The following ZBTB44 variants were observed in gnomAD, a reference collection of about 807,000 sequenced individuals.
ZBTB44 encodes zinc finger and BTB domain-containing protein 44.
Under a neutral mutation model 54.0 loss-of-function variants are expected in ZBTB44, and 15 were observed. That is an observed-to-expected ratio of 0.28 (90% CI 0.19 to 0.43). The LOEUF is 0.43. Among genes scored for constraint, ZBTB44 ranks in the 20% least tolerant of loss-of-function variants. The pLI is 1.00. For missense variants in ZBTB44, 487 were observed against 707.1 expected (o/e 0.69, Z 3.53); for synonymous variants, 230 against 250.1 (o/e 0.92, Z 0.76).
At chr11:130,289,401 T>C (rs1592042888) in intron 1 of ZBTB44, among the ~76,000 whole-genome samples, 1 of 150,560 alleles carries the variant, frequency 6.6e-6, no homozygotes, top group South Asian at 2.1e-4. Context: ...GAGAATTGCT[T>C]GAACTCGGAG....
chr11:130,313,135 G>C (rs188254004), intron 1 of ZBTB44, among the ~76,000 whole-genome samples: 39 of 152,188 alleles, frequency 2.6e-4, no homozygotes, highest in African/African-American at 8.4e-4. Flanking sequence ...GAAAGTACAC[G>C]AAAGTACATC....
intron 1 of ZBTB44, among the ~76,000 whole-genome samples, chr11:130,276,151 G>C (rs574995387): frequency 1.4e-5 from 2 of 147,916 alleles, no homozygotes; most frequent in Admixed American, 6.8e-5. Context: ...GCTTGAACTC[G>C]GGAGGCAGAG....
chr11:130,272,119 C>G (rs189060674), intron 1 of ZBTB44, among the ~76,000 whole-genome samples: 44 of 151,394 alleles, frequency 2.9e-4, no homozygotes, highest in Admixed American at 2.8e-3. Flanking sequence ...GTAATCCCAG[C>G]TGCTCGGGAG....
intron 1 of ZBTB44, among the ~76,000 whole-genome samples, chr11:130,299,649 A>C (rs112607233): frequency 0.012 from 1,837 of 152,266 alleles, 17 homozygotes; most frequent in Middle Eastern, 0.02. Flanking sequence ...AAAAAAAAAA[A>C]CAAAATAACA....
intron 1 of ZBTB44, among the ~76,000 whole-genome samples, chr11:130,302,003 G>T (rs556537036): frequency 6.8e-6 from 1 of 148,072 alleles, no homozygotes; most frequent in Non-Finnish European, 1.5e-5. Context: ...AATGAGCCAC[G>T]ATCACACCAC....
At chr11:130,246,316 C>T (rs976240361) in intron 2 of ZBTB44, among the ~76,000 whole-genome samples, 3 of 151,984 alleles carry the variant, frequency 2.0e-5, no homozygotes, top group African/African-American at 7.3e-5. Flanking sequence ...CATATATATG[C>T]ACAATATTAC....
chr11:130,302,001 A>G (rs1195654866), intron 1 of ZBTB44, among the ~76,000 whole-genome samples: 1 of 151,124 alleles, frequency 6.6e-6, no homozygotes, highest in African/African-American at 2.4e-5. Context: ...ATAATGAGCC[A>G]CGATCACACC....
In ZBTB44 at chr11:130,228,877, CAATTT is replaced by C. The variant is rs1212527071; in HGVS notation, c.*2882_*2886del. On this transcript the variant is annotated 3_prime_UTR_variant, in exon 8 of 8. Transcript: ENST00000357899. ...TTTAAGCTTCATCAGCAACATCAGT[CAATTT>C]AAACGAGAAAGGAACTAATAAAAGA... 1 of 152,128 alleles carries C rather than the reference CAATTT, an allele frequency of 6.6e-6. No individual in the cohort carries two copies. The highest frequency in any genetic ancestry group is 2.4e-5 in the African/African-American group (1 of 41,428). The allele number at this position is 152,128 out of a possible 1,614,324, so 9.4% of individuals were successfully genotyped here.
At chr11:130,232,999 T>C in intron 7 of ZBTB44, 1 of 239,538 alleles carries the variant, frequency 4.2e-6, no homozygotes. Context: ...TGAGATGCCA[T>C]TCTTTTAAAA....
At chr11:130,249,781 T>G (rs1937843677) in intron 2 of ZBTB44, among the ~76,000 whole-genome samples, 1 of 152,208 alleles carries the variant, frequency 6.6e-6, no homozygotes, top group African/African-American at 2.4e-5. Context: ...GGAGATTCCC[T>G]CGTGTGCTAC....
At chr11:130,267,141 G>C (rs1459889239) in intron 1 of ZBTB44, among the ~76,000 whole-genome samples, 2 of 151,900 alleles carry the variant, frequency 1.3e-5, no homozygotes, top group Non-Finnish European at 2.9e-5. Flanking sequence ...TCACATGCCT[G>C]TAGTCCCAGC....
At chr11:130,262,434 C>G (rs1014109702) in intron 1 of ZBTB44, among the ~76,000 whole-genome samples, 27 of 152,230 alleles carry the variant, frequency 1.8e-4, no homozygotes, top group South Asian at 6.2e-4. Flanking sequence ...CCACCATGCC[C>G]GGCCTGTGAA....
chr11:130,252,908 C>T (rs938885144), intron 2 of ZBTB44, among the ~76,000 whole-genome samples: 6 of 152,200 alleles, frequency 3.9e-5, no homozygotes, highest in Non-Finnish European at 8.8e-5. Flanking sequence ...GCTGGTTCAA[C>T]ATATGCAAAT....
intron 2 of ZBTB44, among the ~76,000 whole-genome samples, chr11:130,249,515 C>T (rs1222181567): frequency 1.3e-5 from 2 of 152,142 alleles, no homozygotes; most frequent in Non-Finnish European, 1.5e-5. Flanking sequence ...GGCAAGATGG[C>T]CGAATAGGAA....
At chr11:130,245,143 CA>C (rs2136320366) in intron 2 of ZBTB44, among the ~76,000 whole-genome samples, 1 of 152,314 alleles carries the variant, frequency 6.6e-6, no homozygotes, top group African/African-American at 2.4e-5. Flanking sequence ...ATTGCACCCC[CA>C]TTCTTTCTGG....
chr11:130,273,487 A>T (rs1465719257), intron 1 of ZBTB44, among the ~76,000 whole-genome samples: 3 of 151,316 alleles, frequency 2.0e-5, no homozygotes, highest in Non-Finnish European at 4.4e-5. Context: ...TAATTTTTGT[A>T]TTTTTTGTAG....
chr11:130,257,633 T>C (rs1938547119), intron 2 of ZBTB44, among the ~76,000 whole-genome samples: 1 of 152,208 alleles, frequency 6.6e-6, no homozygotes, highest in African/African-American at 2.4e-5. Context: ...TTCTGGCCTC[T>C]GACTATGAGA....
intron 1 of ZBTB44, among the ~76,000 whole-genome samples, chr11:130,263,096 A>G (rs1203729920): frequency 6.6e-6 from 1 of 152,234 alleles, no homozygotes; most frequent in East Asian, 1.9e-4. Flanking sequence ...TAACTTGAGA[A>G]GACAAAATGA....
At chr11:130,273,427 A>C (rs1939828263) in intron 1 of ZBTB44, among the ~76,000 whole-genome samples, 1 of 149,416 alleles carries the variant, frequency 6.7e-6, no homozygotes, top group South Asian at 2.1e-4. Flanking sequence ...CCCCTACCTC[A>C]GTCTCCTGAG....
Sources: gnomAD v4.1 joint callset for allele counts (sites outside exome capture counted in the v4.1 genomes callset) on GRCh38, gnomAD v4.1.1 for gene constraint, MANE v1.5 for transcripts, NCBI Gene and HGNC (gene_info 2026-07-23, HGNC 2026-07-21) for gene names.